FGF2: variants seen among roughly 807,000 people sequenced by gnomAD.
The protein encoded by FGF2 is basic fibroblast growth factor bFGF.
In FGF2, 13 loss-of-function variants were observed where a neutral mutation model predicts 15.9. The ratio of observed to expected loss-of-function variants is 0.82; its 90% CI spans 0.53 to 1.30. The LOEUF (loss-of-function observed/expected upper bound fraction) is 1.30, where lower values mean the gene tolerates loss of function less well. FGF2 is among the 50% of genes most tolerant of loss of function. FGF2 has a pLI of 0.00. For missense variants in FGF2, 163 were observed against 196.9 expected (o/e 0.83, Z 1.03); for synonymous variants, 90 against 78.4 (o/e 1.15, Z -0.78).
chr4:122,830,226 CAGA>C (rs1384153081), intron 1 of FGF2, among the ~76,000 whole-genome samples: 1 of 152,090 alleles, frequency 6.6e-6, no homozygotes, highest in Non-Finnish European at 1.5e-5. Flanking sequence ...AAAAGCTGGC[CAGA>C]AGGACTGGAG....
intron 1 of FGF2, among the ~76,000 whole-genome samples, chr4:122,844,574 T>TC (rs1560740270): frequency 6.1e-5 from 8 of 131,474 alleles, no homozygotes; most frequent in African/African-American, 2.0e-4. Context: ...TCTTTCTTTT[T>TC]CTTTCTTTCT....
rs1338051183 is a variant in FGF2 at position 122,895,453 on chromosome 4, A to G, written c.*3057A>G. On this transcript the variant is annotated 3_prime_UTR_variant, in exon 3 of 3. Coordinates refer to ENST00000644866, the MANE Select transcript of FGF2 (RefSeq NM_001361665.2). ...TAATAGAATTAGATTGAAATAAAAT[A>G]TAATGGGAAATAATCTGCAGAATGT... is the stretch of plus-strand genomic sequence containing the variant. The G allele has an allele frequency of 1.3e-5, 2 of 152,240 alleles. No individual in the cohort carries two copies. Among genetic ancestry groups the G allele is most frequent in the African/African-American group, 4.8e-5 (2 of 41,464 alleles). 9.4% of individuals were successfully genotyped at this position (152,240 alleles called of 1,614,324 possible). A position where few individuals can be genotyped will look rare whatever the true frequency, so the allele number is the denominator to read the frequency against.
In FGF2 at chr4:122,865,750, C is replaced by T. The variant is rs558616772; in HGVS notation, c.179-10571C>T. 7.2e-5 allele frequency among the ~76,000 whole-genome samples: 11 copies of T among 152,238 alleles called. No homozygotes were observed. The South Asian group carries it at 1.7e-3, about 23-fold the overall frequency. On this transcript the variant is annotated intron_variant, in intron 1 of 2. Coordinates refer to ENST00000644866, the MANE Select transcript of FGF2 (RefSeq NM_001361665.2). Reference sequence around the variant, plus strand: ...CAAGCATATAATTTATTCTTGGGAACGTTCTATGTGCCCTTGAAAAGAATG... The same window carrying T: ...CAAGCATATAATTTATTCTTGGGAATGTTCTATGTGCCCTTGAAAAGAATG...
chr4:122,857,374 T>C (rs1435326794), intron 1 of FGF2, among the ~76,000 whole-genome samples: 1 of 152,226 alleles, frequency 6.6e-6, no homozygotes, highest in Non-Finnish European at 1.5e-5. Flanking sequence ...CTCTGAAGCT[T>C]ATCTTTGCTG....
At chr4:122,876,286 T>C (rs201539909) in intron 1 of FGF2, 35 bp from the exon 2 acceptor site, 96 of 1,223,974 alleles carry the variant, frequency 7.8e-5, no homozygotes, top group Admixed American at 5.0e-4. Context: ...CTTTCCTCTG[T>C]GGTGCTACAA....
At position 122,892,467 on chromosome 4, in the gene FGF2, TAAAAG is replaced by T. The variant is rs1484980206; in HGVS notation, c.*76_*80del. 6.2e-7 allele frequency: 1 copy of T among 1,604,170 alleles called. No individual in the cohort carries two copies. The highest frequency in any genetic ancestry group is 1.3e-5 in the African/African-American group (1 of 74,370). On this transcript the variant is annotated 3_prime_UTR_variant, in exon 3 of 3. Coordinates refer to ENST00000644866, the MANE Select transcript of FGF2 (RefSeq NM_001361665.2). ...TATTTTAGAAATTTGTTAATGAGAG[TAAAAG>T]AAAATAAATGTGTATAGCTCAGTTT...
chr4:122,836,102 C>A (rs1477698473), intron 1 of FGF2, among the ~76,000 whole-genome samples: 1 of 152,152 alleles, frequency 6.6e-6, no homozygotes, highest in Non-Finnish European at 1.5e-5. Flanking sequence ...GAACACAGAA[C>A]TTCATGCTTT....
In FGF2 at chr4:122,832,525, G is replaced by A. The variant is rs936621311; in HGVS notation, c.178+5173G>A. On this transcript the variant is annotated intron_variant, in intron 1 of 2. Transcript: ENST00000644866. ...GCCTCCCAAAGTGCTGTGATTACAG[G>A]CGTGAGCCACCGTGCCCAGCCTGGG... is the stretch of plus-strand genomic sequence containing the variant. Among the ~76,000 whole-genome samples the A allele has an allele frequency of 2.0e-5, 3 of 152,290 alleles. No individual in the cohort carries two copies. The East Asian group carries it at 5.8e-4, about 29-fold the overall frequency.
At chr4:122,828,463 T>C (rs1329337581) in intron 1 of FGF2, among the ~76,000 whole-genome samples, 1 of 152,186 alleles carries the variant, frequency 6.6e-6, no homozygotes, top group East Asian at 1.9e-4. Flanking sequence ...CCTTTATGGG[T>C]TCCAGGTGGA....
rs45471594 is a variant in FGF2 at position 122,861,821 on chromosome 4, G to T, written c.179-14500G>T. On this transcript the variant is annotated intron_variant, in intron 1 of 2. Coordinates refer to ENST00000644866, the MANE Select transcript of FGF2 (RefSeq NM_001361665.2). ...GCTGGAAGTTCCTTAGATGTGCTAG[G>T]CTTTCTCTCCCTTTCTCCTTTGGAA... Among the ~76,000 whole-genome samples, 247 of 152,192 alleles carry T rather than the reference G, an allele frequency of 1.6e-3. 5 individuals are homozygous for T. The East Asian group carries it at 0.039, about 24-fold the overall frequency.
In FGF2 at chr4:122,827,097, C is replaced by T. The variant is rs1259898478; in HGVS notation, c.-78C>T. 8.3e-7 allele frequency: 1 copy of T among 1,208,056 alleles called. No individual in the cohort carries two copies. Among genetic ancestry groups the T allele is most frequent in the Non-Finnish European group, 1.0e-6 (1 of 973,572 alleles). 74.8% of individuals were successfully genotyped at this position (1,208,056 alleles called of 1,614,324 possible). On this transcript the variant is annotated 5_prime_UTR_variant, in exon 1 of 3. Coordinates refer to ENST00000644866, the MANE Select transcript of FGF2 (RefSeq NM_001361665.2). This position sits in a 1 kb window ranked among gnomAD's most constrained non-coding sequence, Gnocchi z 4.2. ...CCGTGCCCCGGAGCGGGTCGGAGGC[C>T]GGGGCCGGGGCCGGGGGACGGCGGC...
chr4:122,853,109 G>A (rs78654802), intron 1 of FGF2, among the ~76,000 whole-genome samples: 12,964 of 152,140 alleles, frequency 0.085, 659 homozygotes, highest in Admixed American at 0.18. Context: ...ACCAGCCTGG[G>A]CAACATGGCA....
intron 2 of FGF2, among the ~76,000 whole-genome samples, chr4:122,879,324 C>A (rs545507463): frequency 1.3e-5 from 2 of 152,284 alleles, no homozygotes; most frequent in South Asian, 4.2e-4. Context: ...AACCCTCCTG[C>A]CCCTTTCACT....
chr4:122,827,317 G>A lies in FGF2; in HGVS notation c.143G>A (p.Arg48Gln). The A allele has an allele frequency of 3.1e-6, 5 of 1,613,020 alleles. No individual in the cohort carries two copies. Among genetic ancestry groups the A allele is most frequent in the Non-Finnish European group, 4.2e-6 (5 of 1,179,912 alleles). ...TTCCTGCGCATCCACCCCGACGGCC[G>A]AGTTGACGGGGTCCGGGAGAAGAGC... ...GFFLRIHPDG[R>Q]VDGVREKSDP... The change falls in exon 1 of 3, where the codon CGA (arginine) becomes CAA (glutamine). Residue 48 changes from arginine to glutamine, a missense_variant. Transcript: ENST00000644866. This position sits in a 1 kb window ranked among gnomAD's most constrained non-coding sequence, Gnocchi z 4.2.
At chr4:122,850,376 C>T (rs939812101) in intron 1 of FGF2, among the ~76,000 whole-genome samples, 1 of 152,134 alleles carries the variant, frequency 6.6e-6, no homozygotes, top group African/African-American at 2.4e-5. Context: ...CCTTTCTCTG[C>T]CTGAGATAAG....
At chr4:122,870,883 C>T (rs945273190) in intron 1 of FGF2, among the ~76,000 whole-genome samples, 4 of 151,714 alleles carry the variant, frequency 2.6e-5, no homozygotes, top group Non-Finnish European at 5.9e-5. Context: ...TTAGTTTGTT[C>T]TTCCCTCTTT....
At chr4:122,844,477 C>G (rs779541444) in intron 1 of FGF2, among the ~76,000 whole-genome samples, 7 of 152,308 alleles carry the variant, frequency 4.6e-5, no homozygotes, top group Non-Finnish European at 7.4e-5. Context: ...CACAAATACT[C>G]TTGATGGCAT....
chr4:122,833,572 T>G (rs1376167989), intron 1 of FGF2, among the ~76,000 whole-genome samples: 2 of 152,220 alleles, frequency 1.3e-5, no homozygotes, highest in Non-Finnish European at 2.9e-5. Flanking sequence ...CACCTTAAGA[T>G]GCTGGCACCT....
chr4:122,856,743 C>T (rs2150774046), intron 1 of FGF2, among the ~76,000 whole-genome samples: 1 of 152,240 alleles, frequency 6.6e-6, no homozygotes, highest in East Asian at 1.9e-4. Context: ...TCTTGTGAAA[C>T]AGTAGTACAG....
Sources: gnomAD v4.1 joint callset for allele counts (sites outside exome capture counted in the v4.1 genomes callset) on GRCh38, gnomAD v4.1.1 for gene constraint, Gnocchi (gnomAD v3.1) non-coding constraint, MANE v1.5 for transcripts, NCBI Gene and HGNC (gene_info 2026-07-23, HGNC 2026-07-21) for gene names.